Variants in CRYGC observed in about 807,000 individuals in gnomAD.
CRYGC encodes gamma-crystallin C.
Under a neutral mutation model 21.9 loss-of-function variants are expected in CRYGC, and 14 were observed. The ratio of observed to expected loss-of-function variants is 0.64; its 90% confidence interval spans 0.42 to 1.00. The LOEUF (loss-of-function observed/expected upper bound fraction) is 1.00. Among genes scored for constraint, CRYGC ranks in the 50% least tolerant of loss-of-function variants. The pLI, the probability that CRYGC is intolerant of heterozygous loss-of-function variation, is 0.00. For synonymous variants in CRYGC, 96 were observed against 89.8 expected (o/e 1.07, Z -0.39); for missense variants, 235 against 234.2 (o/e 1.00, Z -0.02).
Position 208,128,394 on chromosome 2 carries a change from T to C in CRYGC, c.334A>G (p.Ile112Val), listed in dbSNP as rs1574550024. 1 of 1,614,220 alleles carries C rather than the reference T, an allele frequency of 6.2e-7. No individual in the cohort carries two copies. The highest frequency in any genetic ancestry group is 2.2e-5 in the East Asian group (1 of 44,886). Reference protein sequence around the residue: ...MMELSEDCPSIQDRFHLSEIR... With the variant: ...MMELSEDCPSVQDRFHLSEIR... ...TCGCTGAGGTGGAAGCGGTCCTGGA[T>C]GCTGGGGCAGTCTTCACTCAGCTCC... The change falls in exon 3 of 3, where the codon ATC (isoleucine) becomes GTC (valine). Residue 112 changes from isoleucine (I) to valine (V), a missense_variant. Transcript: ENST00000282141.
In CRYGC at chr2:208,129,610, G is replaced by A. The variant is rs1054047596; in HGVS notation, c.83C>T (p.Pro28Leu). The change falls in exon 2 of 3, where the codon CCG becomes CTG. Residue 28 changes from proline (P) to leucine (L), a missense_variant. Pro to Leu is a moderately conservative substitution (Grantham distance 98). Transcript: ENST00000282141. The part of the protein sequence containing the change: ...ETTTDCPNLQ[P>L]YFSRCNSIRV... Reference sequence around the variant, plus strand: ...GATGGAGTTGCAGCGGCTGAAATACGGCTGCAGGTTGGGGCAGTCAGTGGT... The same window carrying A: ...GATGGAGTTGCAGCGGCTGAAATACAGCTGCAGGTTGGGGCAGTCAGTGGT... 33 of 1,614,248 alleles carry A rather than the reference G, an allele frequency of 2.0e-5. No homozygotes were observed. The highest frequency in any genetic ancestry group is 2.7e-5 in the Non-Finnish European group (32 of 1,180,046).
At position 208,128,153 on chromosome 2, in the gene CRYGC, C is replaced by G. The variant is rs1266893446; in HGVS notation, c.*50G>C. On this transcript the variant is annotated 3_prime_UTR_variant, in exon 3 of 3. Coordinates refer to ENST00000282141, the MANE Select transcript of CRYGC (RefSeq NM_020989.4). ...AGTCAGCAATTGCCAGCAATGCAGA[C>G]TAAATATTTATTAGGTTCCAAAATG... 1.2e-6 allele frequency: 2 copies of G among 1,611,608 alleles called. No homozygotes were observed. Among genetic ancestry groups the G allele is most frequent in the Non-Finnish European group, 1.7e-6 (2 of 1,177,796 alleles).
Position 208,128,376 on chromosome 2 carries a change from G to T in CRYGC, c.352C>A (p.Leu118Ile), listed in dbSNP as rs1183371833. The change falls in exon 3 of 3, where the codon CTC (leucine) becomes ATC (isoleucine). Residue 118 changes from leucine (L) to isoleucine (I), a missense_variant. Leu to Ile is a conservative substitution (Grantham distance 5). Transcript: ENST00000282141. ...ACGTGGAGGGAACGGATCTCGCTGAGGTGGAAGCGGTCCTGGATGCTGGGG... is the reference window on the plus strand; with the variant it reads ...ACGTGGAGGGAACGGATCTCGCTGATGTGGAAGCGGTCCTGGATGCTGGGG... Reference protein sequence around the residue: ...DCPSIQDRFHLSEIRSLHVLE... With the variant: ...DCPSIQDRFHISEIRSLHVLE... 1 of 1,614,174 alleles carries T rather than the reference G, an allele frequency of 6.2e-7. No individual in the cohort carries two copies. The highest frequency in any genetic ancestry group is 1.1e-5 in the South Asian group (1 of 91,076).
At chr2:208,128,804 T>TG (rs1022440478) in intron 2 of CRYGC, among the ~76,000 whole-genome samples, 19 of 152,262 alleles carry the variant, frequency 1.2e-4, no homozygotes, top group Admixed American at 7.2e-4. Flanking sequence ...AAACTACATT[T>TG]GGGGGGAAAA....
In CRYGC at chr2:208,129,463, C is replaced by G; in HGVS notation, c.230G>C (p.Arg77Pro). The G allele has an allele frequency of 6.2e-7, 1 of 1,613,430 alleles. No homozygotes were observed. The highest frequency in any genetic ancestry group is 8.5e-7 in the Non-Finnish European group (1 of 1,180,024). Residue 77 changes from arginine (R) to proline (P), a missense_variant, in exon 2 of 3, where the codon CGC becomes CCC. Arg to Pro is a moderately radical substitution (Grantham distance 103). Transcript: ENST00000282141. ...CACTTGGGGGATGAGACAACAGGAG[C>G]GGATGGAGTCGCTGAGGCCCATCCA... ...QQWMGLSDSI[R>P]SCCLIPQTVS...
At chr2:208,129,117 T>C (rs1293190618) in intron 2 of CRYGC, among the ~76,000 whole-genome samples, 1 of 152,250 alleles carries the variant, frequency 6.6e-6, no homozygotes, top group Non-Finnish European at 1.5e-5. Flanking sequence ...CAAAATAATT[T>C]GTTAAAAATA....
Position 208,128,266 on chromosome 2 carries a change from G to GCAC in CRYGC, c.459_461dup (p.Arg153_Cys154insTrp), listed in dbSNP as rs1320181984. The GCAC allele has an allele frequency of 1.2e-6, 2 of 1,614,186 alleles. No homozygotes were observed. The highest frequency in any genetic ancestry group is 3.3e-5 in the Admixed American group (2 of 60,020). On this transcript the variant is annotated inframe_insertion, in exon 3 of 3. Transcript: ENST00000282141. ...TAGCATCCATGGCCCCCCAGTCCTG[G>GCAC]CACCGCCTGTACTCTTGGGGCCTCA...
chr2:208,128,585 G>C, intron 2 of CRYGC, 110 bp from the exon 3 acceptor site: 1 of 1,300,248 alleles, frequency 7.7e-7, no homozygotes, highest in Non-Finnish European at 1.1e-6. Context: ...AATTGTCATT[G>C]TAAAATTTAG....
rs367762863 is a variant in CRYGC, at chr2:208,129,825, T to C, written c.-33A>G. The C allele has an allele frequency of 1.8e-4, 293 of 1,613,928 alleles. No individual in the cohort carries two copies. Among genetic ancestry groups the C allele is most frequent in the Non-Finnish European group, 2.4e-4 (288 of 1,179,984 alleles). On this transcript the variant is annotated 5_prime_UTR_variant, in exon 1 of 3. Transcript: ENST00000282141. ...TGACACGGATGATGCGAGTTCAGTG[T>C]GATGGGGCCTGCGGCTGCACAGCCA...
chr2:208,129,304 T>A (rs943936278), intron 2 of CRYGC, 137 bp downstream of exon 2: 49 of 1,257,582 alleles, frequency 3.9e-5, no homozygotes, highest in Non-Finnish European at 5.4e-5. Flanking sequence ...TTTGTGCATG[T>A]TATCTATCTG....
chr2:208,129,401 T>A (rs772807273), intron 2 of CRYGC, 40 bp downstream of exon 2: 1 of 1,610,722 alleles, frequency 6.2e-7, no homozygotes, highest in Non-Finnish European at 8.5e-7. Flanking sequence ...GACAATACAG[T>A]GGGGACTCTG....
rs754304396 is a variant in CRYGC, at chr2:208,128,482, G to T, written c.253-7C>A. ...GCAGCCTGTGGGAGACTGTCTACTC[G>T]GTCCACAGAAAGAAGGATGGAAAAA... On this transcript the variant is annotated splice_polypyrimidine_tract_variant and splice_region_variant and intron_variant, in intron 2 of 2. Coordinates refer to ENST00000282141, the MANE Select transcript of CRYGC (RefSeq NM_020989.4). 1.9e-6 allele frequency: 3 copies of T among 1,614,044 alleles called. No homozygotes were observed. In the Admixed American group the frequency reaches 5.0e-5, roughly 27 times the overall value.
chr2:208,128,544 G>A, intron 2 of CRYGC, 69 bp from the exon 3 acceptor site: 1 of 1,560,820 alleles, frequency 6.4e-7, no homozygotes, highest in South Asian at 1.1e-5. Context: ...TCCAACCAAA[G>A]AACAGATGAA....
chr2:208,129,509 C>T lies in CRYGC; in HGVS notation c.184G>A (p.Glu62Lys), dbSNP rs1209233008. The change falls in exon 2 of 3, where the codon GAG becomes AAG. Residue 62 changes from glutamate (E) to lysine (K), a missense_variant. Coordinates refer to ENST00000282141, the MANE Select transcript of CRYGC (RefSeq NM_020989.4). The part of the protein sequence containing the change: ...QGQQYLLRRG[E>K]YPDYQQWMGL... ...ATCCATTGCTGGTAGTCGGGGTACT[C>T]CCCTCGCCGCAGCAAGTATTGTTGA... The T allele has an allele frequency of 1.9e-6, 3 of 1,614,150 alleles. No individual in the cohort carries two copies. Among genetic ancestry groups the T allele is most frequent in the South Asian group, 2.2e-5 (2 of 91,088 alleles).
chr2:208,128,857 A>G (rs936735744), intron 2 of CRYGC, among the ~76,000 whole-genome samples: 1 of 152,216 alleles, frequency 6.6e-6, no homozygotes, highest in Admixed American at 6.5e-5. Flanking sequence ...TAGTAAGGGT[A>G]TTATCTCCCA....
chr2:208,129,732 A>C, intron 1 of CRYGC, 49 bp from the exon 2 acceptor site: 1 of 1,614,256 alleles, frequency 6.2e-7, no homozygotes, highest in South Asian at 1.1e-5. Context: ...CCTAACAGGC[A>C]TTATATAAAG....
rs1471891342 is a variant in CRYGC, at chr2:208,128,198, C to G, written c.*5G>C. 2.5e-6 allele frequency: 4 copies of G among 1,614,128 alleles called. No homozygotes were observed. In the African/African-American group the frequency reaches 4.0e-5, roughly 16 times the overall value. ...AAAATGGGAAATTGGTAGTGTTAAG[C>G]TATTTTAATACAAATCCACCACTCT... On this transcript the variant is annotated 3_prime_UTR_variant, in exon 3 of 3. Transcript: ENST00000282141.
chr2:208,129,367 A>G, intron 2 of CRYGC, 74 bp downstream of exon 2: 1 of 1,584,144 alleles, frequency 6.3e-7, no homozygotes, highest in Non-Finnish European at 8.6e-7. Flanking sequence ...TTAAATGCAA[A>G]CCTCCCTCCC....
In CRYGC at chr2:208,128,284, G is replaced by A. The variant is rs2105857824; in HGVS notation, c.444C>T (p.Pro148=). Residue 148 remains proline, a synonymous_variant, in exon 3 of 3, where the codon CCC becomes CCT. Coordinates refer to ENST00000282141, the MANE Select transcript of CRYGC (RefSeq NM_020989.4). The stretch of plus-strand genomic sequence containing the variant: ...AGTCCTGGCACCGCCTGTACTCTTG[G>A]GGCCTCAGCAGGTATTGCCGCCCCC... ...NYRGRQYLLR[P]QEYRRCQDWG... is the part of the protein sequence containing the mutation. 6.2e-7 allele frequency: 1 copy of A among 1,614,206 alleles called. No individual in the cohort carries two copies. The highest frequency in any genetic ancestry group is 8.5e-7 in the Non-Finnish European group (1 of 1,180,038).
Sources: gnomAD v4.1 joint callset for allele counts (sites outside exome capture counted in the v4.1 genomes callset) on GRCh38, gnomAD v4.1.1 for gene constraint, MANE v1.5 for transcripts, NCBI Gene and HGNC (gene_info 2026-07-23, HGNC 2026-07-21) for gene names.